Variants in TLL1 observed in about 807,000 individuals in gnomAD.
The protein encoded by TLL1 is tolloid like 1.
TLL1 carries 49 observed loss-of-function variants against 128.2 expected under a neutral mutation model. The ratio of observed to expected loss-of-function variants is 0.38; its 90% CI spans 0.30 to 0.48. TLL1 has a LOEUF of 0.48. Among genes scored for constraint, TLL1 ranks in the 20% least tolerant of loss-of-function variants. The pLI is 0.96. For missense variants in TLL1, 1,123 were observed against 1,242.0 expected, an observed-to-expected ratio of 0.90 and a Z score of 1.44; for synonymous variants, 454 against 418.8, an observed-to-expected ratio of 1.08 and a Z score of -1.03.
At chr4:165,894,026 T>TG (rs1289579295) in intron 1 of TLL1, among the ~76,000 whole-genome samples, 5 of 152,214 alleles carry the variant, frequency 3.3e-5, no homozygotes, top group Non-Finnish European at 7.3e-5. Context: ...ACAATGGAAA[T>TG]GTTTATCATT....
At chr4:165,992,267 C>A (rs931814707) in intron 2 of TLL1, among the ~76,000 whole-genome samples, 27 of 152,088 alleles carry the variant, frequency 1.8e-4, no homozygotes, top group African/African-American at 5.8e-4. Flanking sequence ...TCTATAAATT[C>A]AACTAAATTT....
intron 1 of TLL1, among the ~76,000 whole-genome samples, chr4:165,885,282 C>T (rs1731118435): frequency 6.6e-6 from 1 of 151,852 alleles, no homozygotes; most frequent in African/African-American, 2.4e-5. Context: ...CTGTTCGAGG[C>T]CTAAAGCAAT....
intron 16 of TLL1, among the ~76,000 whole-genome samples, chr4:166,073,677 A>G (rs1441813217): frequency 6.6e-6 from 1 of 152,186 alleles, no homozygotes; most frequent in East Asian, 1.9e-4. Context: ...ACCTGTAAGC[A>G]CATGTGTCAT....
intron 20 of TLL1, 78 bp from the exon 21 acceptor site, chr4:166,100,664 C>A (rs1384181956): frequency 1.9e-6 from 3 of 1,577,802 alleles, no homozygotes; most frequent in Non-Finnish European, 2.6e-6. Flanking sequence ...CAAGTATTCC[C>A]AAACATGCGT....
intron 1 of TLL1, among the ~76,000 whole-genome samples, chr4:165,918,564 G>GT (rs544890949): frequency 1.8e-3 from 261 of 148,948 alleles, no homozygotes; most frequent in Middle Eastern, 3.4e-3. Flanking sequence ...CATTTTCTGG[G>GT]TTTTTTTTTT....
Position 165,924,714 on chromosome 4 carries a change from A to G in TLL1, c.169+50641A>G, listed in dbSNP as rs573840699. Among the ~76,000 whole-genome samples, 23 of 152,364 alleles carry G rather than the reference A, an allele frequency of 1.5e-4. No individual in the cohort carries two copies. In the South Asian group the frequency reaches 4.3e-3, roughly 29 times the overall value. On this transcript the variant is annotated intron_variant, in intron 1 of 20. Coordinates refer to ENST00000061240, the MANE Select transcript of TLL1 (RefSeq NM_012464.5). ...TTCAATGTAGATGGAGCACCCTTCT[A>G]TTGGAAGAAGATGCCATCTAGGACT...
intron 14 of TLL1, among the ~76,000 whole-genome samples, chr4:166,058,879 G>GC (rs1468575071): frequency 6.6e-6 from 1 of 151,914 alleles, no homozygotes; most frequent in South Asian, 2.1e-4. Context: ...CTTAATGCAC[G>GC]CCCCCCTGCT....
chr4:165,912,498 A>C (rs760506511), intron 1 of TLL1, among the ~76,000 whole-genome samples: 3 of 152,212 alleles, frequency 2.0e-5, no homozygotes, highest in Admixed American at 2.0e-4. Flanking sequence ...ACCTGGAGAA[A>C]TTTCTTAAAA....
In TLL1 at chr4:166,100,599, G is replaced by T. The variant is rs572826976; in HGVS notation, c.2908-143G>T. The T allele has an allele frequency of 2.5e-5, 28 of 1,107,070 alleles. No homozygotes were observed. The South Asian group carries it at 3.5e-4, about 14-fold the overall frequency. The allele number at this position is 1,107,070 out of a possible 1,614,324, so 68.6% of individuals were successfully genotyped here. A position where few individuals can be genotyped will look rare whatever the true frequency, so the allele number is the denominator to read the frequency against. ...ATTTTCTCCTCTATAAAGTGAAGAA[G>T]TTGATTACACCTACTCTCCAAGGTT... On this transcript the variant is annotated intron_variant, in intron 20 of 20. Coordinates refer to ENST00000061240, the MANE Select transcript of TLL1 (RefSeq NM_012464.5).
At chr4:165,974,387 G>T (rs574665281) in intron 1 of TLL1, among the ~76,000 whole-genome samples, 2 of 130,568 alleles carry the variant, frequency 1.5e-5, no homozygotes, top group Non-Finnish European at 3.0e-5. Context: ...TGATCCGCCC[G>T]CCTCGGCCTC....
At chr4:166,068,009 C>A (rs1503302) in intron 16 of TLL1, among the ~76,000 whole-genome samples, 77,683 of 151,462 alleles carry the variant, frequency 0.51, 22,977 homozygotes, top group African/African-American at 0.84. Flanking sequence ...TATAATTTTC[C>A]CTTCTTTATT....
At chr4:165,985,230 GAC>G (rs2111003103) in intron 1 of TLL1, among the ~76,000 whole-genome samples, 1 of 152,098 alleles carries the variant, frequency 6.6e-6, no homozygotes, top group East Asian at 1.9e-4. Context: ...TGGAAGTAGA[GAC>G]ACTTAATTAG....
In TLL1 at chr4:166,091,092, T is replaced by A. The variant is rs1361394968; in HGVS notation, c.2443-36T>A. ...ATTATCTCATTTTGAGTGATTTGTTTTTTTTTAAAAAAATTATTTCTTCTT... is the reference window on the plus strand; with the variant it reads ...ATTATCTCATTTTGAGTGATTTGTTATTTTTTAAAAAAATTATTTCTTCTT... On this transcript the variant is annotated intron_variant, in intron 18 of 20. Transcript: ENST00000061240. The A allele has an allele frequency of 1.1e-4, 16 of 148,706 alleles. 1 individual carries two copies. The Middle Eastern group carries it at 8.7e-3, about 81-fold the overall frequency. The allele number at this position is 148,706 out of a possible 1,614,324, so 9.2% of individuals were successfully genotyped here.
At chr4:165,878,078 T>C (rs960716982) in intron 1 of TLL1, among the ~76,000 whole-genome samples, 2 of 152,218 alleles carry the variant, frequency 1.3e-5, no homozygotes, top group African/African-American at 2.4e-5. Context: ...AGTGCCCCAG[T>C]GTCCTAGTAT....
At chr4:165,922,859 T>C (rs1045863900) in intron 1 of TLL1, among the ~76,000 whole-genome samples, 1 of 152,230 alleles carries the variant, frequency 6.6e-6, no homozygotes, top group African/African-American at 2.4e-5. Flanking sequence ...TGAGGGTTAC[T>C]ATCTGGTAGC....
intron 1 of TLL1, among the ~76,000 whole-genome samples, chr4:165,877,827 G>A (rs1489614625): frequency 6.7e-6 from 1 of 150,266 alleles, no homozygotes; most frequent in African/African-American, 2.5e-5. Context: ...GAAAGCTCAG[G>A]CAATTGTAAA....
chr4:166,044,372 A>C (rs1560831778), intron 12 of TLL1: 2 of 1,535,568 alleles, frequency 1.3e-6, no homozygotes, highest in East Asian at 4.9e-5. Flanking sequence ...CAGCAGGAGC[A>C]CCAGGAGAAT....
intron 9 of TLL1, among the ~76,000 whole-genome samples, chr4:166,028,676 C>T (rs1447493325): frequency 1.3e-5 from 2 of 151,944 alleles, no homozygotes; most frequent in African/African-American, 2.4e-5. Context: ...CACATGTTTA[C>T]AACATTTTAT....
At chr4:165,967,176 G>A (rs540622182) in intron 1 of TLL1, among the ~76,000 whole-genome samples, 17 of 152,230 alleles carry the variant, frequency 1.1e-4, no homozygotes, top group Middle Eastern at 6.8e-3. Flanking sequence ...CTGGCCCCTC[G>A]GGCAGTCAGG....
Sources: allele counts gnomAD v4.1 joint callset (sites outside exome capture counted in the v4.1 genomes callset), GRCh38; gene constraint gnomAD v4.1.1; transcripts MANE v1.5; gene names NCBI Gene and HGNC (gene_info 2026-07-23, HGNC 2026-07-21).